The following DCTN2 variants were observed in gnomAD, a reference collection of about 807,000 sequenced individuals.
DCTN2 encodes the protein 50 kDa dynein-associated polypeptide.
Under a neutral mutation model 55.4 loss-of-function variants are expected in DCTN2, and 18 were observed. That is an observed-to-expected ratio of 0.32 (90% CI 0.22 to 0.48). The LOEUF (loss-of-function observed/expected upper bound fraction) is 0.48, where lower values mean the gene tolerates loss of function less well. Among genes scored for constraint, DCTN2 ranks in the 20% least tolerant of loss-of-function variants. The pLI, the probability that DCTN2 is intolerant of heterozygous loss-of-function variation, is 0.99. For synonymous variants in DCTN2, 168 were observed against 185.2 expected (o/e 0.91, Z 0.76); for missense variants, 390 against 491.0 (o/e 0.79, Z 1.94).
intron 2 of DCTN2, among the ~76,000 whole-genome samples, chr12:57,539,420 T>G (rs967452701): frequency 6.6e-6 from 1 of 152,184 alleles, no homozygotes; most frequent in Non-Finnish European, 1.5e-5. Context: ...GTTCACAAGA[T>G]TCACAGGGGT....
At chr12:57,540,169 A>T (rs117466292) in intron 2 of DCTN2, 1 of 970,090 alleles carries the variant, frequency 1.0e-6, no homozygotes, top group East Asian at 1.1e-4. Flanking sequence ...AAACATGCAA[A>T]CACAAAGGAG....
At chr12:57,532,379 G>T in intron 11 of DCTN2, 64 bp from the exon 12 acceptor site, 1 of 1,427,400 alleles carries the variant, frequency 7.0e-7, no homozygotes, top group Non-Finnish European at 9.7e-7. Flanking sequence ...TGTACAGACT[G>T]CTATTTCACC....
chr12:57,546,136 G>C, intron 1 of DCTN2, 40 bp from the exon 2 acceptor site: 1 of 1,585,240 alleles, frequency 6.3e-7, no homozygotes, highest in Non-Finnish European at 8.7e-7. Flanking sequence ...TCACTACCCA[G>C]CATCCAACAA....
At position 57,533,554 on chromosome 12, in the gene DCTN2, G is replaced by A. The variant is rs190922692; in HGVS notation, c.670-251C>T. On this transcript the variant is annotated intron_variant, in intron 7 of 13. Transcript: ENST00000548249. ...TGGGAGGCCGAGGCGGGCGGATCAC[G>A]AGGTCAGGAGATCGAGACCATTCTG... Among the ~76,000 whole-genome samples the A allele has an allele frequency of 2.6e-4, 40 of 152,204 alleles. No individual in the cohort carries two copies. The East Asian group carries it at 7.5e-3, about 29-fold the overall frequency.
intron 2 of DCTN2, chr12:57,538,576 G>A: frequency 1.3e-6 from 1 of 741,818 alleles, no homozygotes; most frequent in Non-Finnish European, 2.5e-6. Flanking sequence ...AGGAAAGGGA[G>A]TGGGGGAATG....
chr12:57,545,935 G>C, intron 2 of DCTN2, 93 bp downstream of exon 2: 8 of 1,362,074 alleles, frequency 5.9e-6, no homozygotes, highest in East Asian at 4.6e-5. Flanking sequence ...TGGCATACCC[G>C]CTTATTGCTG....
intron 2 of DCTN2, chr12:57,544,269 G>A (rs577713748): frequency 1.5e-3 from 522 of 345,130 alleles, no homozygotes; most frequent in Admixed American, 2.1e-3. Flanking sequence ...ATATAAATTG[G>A]CATAGTAACT....
intron 13 of DCTN2, among the ~76,000 whole-genome samples, chr12:57,531,352 G>A (rs1249425978): frequency 6.6e-6 from 1 of 151,576 alleles, no homozygotes; most frequent in South Asian, 2.1e-4. Flanking sequence ...GTGAAACCCC[G>A]TCTCTACTAA....
At chr12:57,534,602 A>C in intron 5 of DCTN2, 150 bp from the exon 6 acceptor site, 7 of 655,336 alleles carry the variant, frequency 1.1e-5, no homozygotes, top group Non-Finnish European at 1.7e-5. Flanking sequence ...AGCACTGCAT[A>C]CAGATGGATG....
intron 2 of DCTN2, among the ~76,000 whole-genome samples, chr12:57,539,662 C>G (rs890747308): frequency 6.0e-4 from 91 of 152,284 alleles, no homozygotes; most frequent in African/African-American, 1.9e-3. Context: ...CTTCCTTTCA[C>G]CAAGATTTCA....
intron 9 of DCTN2, 77 bp from the exon 10 acceptor site, chr12:57,532,887 T>A: frequency 4.4e-6 from 7 of 1,598,368 alleles, no homozygotes; most frequent in Non-Finnish European, 6.0e-6. Flanking sequence ...TCCACTAAAT[T>A]AATATATAGC....
Position 57,537,437 on chromosome 12 carries a change from T to G in DCTN2, c.106-1592A>C, listed in dbSNP as rs79822175. ...AATTATTCTGGGGTAGGGCCAGATATCCAGGTGATTCTAACCTACAGCCAG... is the reference window on the plus strand; with the variant it reads ...AATTATTCTGGGGTAGGGCCAGATAGCCAGGTGATTCTAACCTACAGCCAG... On this transcript the variant is annotated intron_variant, in intron 2 of 13. Transcript: ENST00000548249. 9.8e-3 allele frequency among the ~76,000 whole-genome samples: 1,466 copies of G among 149,974 alleles called. 17 individuals carry two copies. The highest frequency in any genetic ancestry group is 0.034 in the African/African-American group (1,385 of 40,858).
chr12:57,534,948 G>A, intron 5 of DCTN2, 108 bp downstream of exon 5: 1 of 933,252 alleles, frequency 1.1e-6, no homozygotes, highest in Non-Finnish European at 1.6e-6. Flanking sequence ...AGGATTATAG[G>A]CGTGAGCCAC....
In DCTN2 at chr12:57,532,299, T is replaced by C. The variant is rs1370495207; in HGVS notation, c.941A>G (p.Glu314Gly). 4.5e-6 allele frequency: 7 copies of C among 1,560,450 alleles called. No homozygotes were observed. Among genetic ancestry groups the C allele is most frequent in the Non-Finnish European group, 6.1e-6 (7 of 1,151,704 alleles). The change falls in exon 12 of 14, where the codon GAA (glutamate) becomes GGA (glycine). Residue 314 changes from glutamate to glycine, a missense_variant. Around this residue, in one of 2 missense-constraint regions of DCTN2, gnomAD observed 273 missense variants for 303.2 expected, o/e 0.90. Transcript: ENST00000548249. The stretch of plus-strand genomic sequence containing the variant: ...AATGGGGCTCCAGCGCTGTATAGTT[T>C]CATATAGCTGGTGCACCTGAAGGGA... ...DTQSKVHQLY[E>G]TIQRWSPIAS...
intron 2 of DCTN2, chr12:57,542,824 C>A (rs776710400): frequency 1.1e-5 from 5 of 454,550 alleles, no homozygotes; most frequent in African/African-American, 4.0e-5. Context: ...GTCTCAAAAA[C>A]CAAAAAGAAA....
rs761878526 is a variant in DCTN2, at chr12:57,535,134, C to T, written c.285G>A (p.Val95=). The change falls in exon 5 of 14, where the codon GTG becomes GTA. Residue 95 remains valine, a synonymous_variant. Transcript: ENST00000548249. ...EYEMLGEGLG[V]KETPQQKYQR... is the part of the protein sequence containing the mutation. ...GGTACTTTTGCTGGGGTGTCTCCTT[C>T]ACTCCCAGACCCTCTCCAAGCTAGA... The T allele has an allele frequency of 1.9e-6, 3 of 1,613,778 alleles. No homozygotes were observed. The South Asian group carries it at 3.3e-5, about 18-fold the overall frequency.
intron 2 of DCTN2, among the ~76,000 whole-genome samples, chr12:57,544,500 C>T (rs939450034): frequency 1.3e-5 from 2 of 151,332 alleles, no homozygotes; most frequent in Admixed American, 6.6e-5. Flanking sequence ...CTGCAACCTC[C>T]ACCTCCCAGG....
intron 2 of DCTN2, among the ~76,000 whole-genome samples, chr12:57,537,082 A>G (rs985149568): frequency 6.6e-6 from 1 of 150,576 alleles, no homozygotes; most frequent in Non-Finnish European, 1.5e-5. Context: ...CAAGTGATCC[A>G]CCCGCCTCGG....
At position 57,532,579 on chromosome 12, in the gene DCTN2, T is replaced by C. The variant is rs1223351668; in HGVS notation, c.917A>G (p.Gln306Arg). Residue 306 changes from glutamine (Q) to arginine (R), a missense_variant, in exon 11 of 14, where the codon CAA becomes CGA. Physicochemically the swap from Gln to Arg is conservative, Grantham distance 43. Around this residue, in one of 2 missense-constraint regions of DCTN2, gnomAD observed 273 missense variants for 303.2 expected, o/e 0.90. Coordinates refer to ENST00000548249, the MANE Select transcript of DCTN2 (RefSeq NM_001261413.2). ...GGAAGGTGTCTTCCTGACCTTGCTTTGTGTATCTGCATCTTCTACAGAGGC... is the reference window on the plus strand; with the variant it reads ...GGAAGGTGTCTTCCTGACCTTGCTTCGTGTATCTGCATCTTCTACAGAGGC... ...HKASVEDADTQSKVHQLYETI... is the reference protein window; with the variant it reads ...HKASVEDADTRSKVHQLYETI... 7 of 1,613,966 alleles carry C rather than the reference T, an allele frequency of 4.3e-6. No individual in the cohort carries two copies. The East Asian group carries it at 1.1e-4, about 26-fold the overall frequency.
Sources: gnomAD v4.1 joint callset for allele counts (sites outside exome capture counted in the v4.1 genomes callset) on GRCh38, gnomAD v4.1.1 for gene constraint, gnomAD v4.1.1 regional missense constraint, MANE v1.5 for transcripts, NCBI Gene and HGNC (gene_info 2026-07-23, HGNC 2026-07-21) for gene names.